The following ADAM19 variants were observed in gnomAD, a reference collection of about 807,000 sequenced individuals.
ADAM19 encodes the protein ADAM metallopeptidase domain 19.
Under a neutral mutation model 114.7 loss-of-function variants are expected in ADAM19, and 65 were observed. That is an observed-to-expected ratio of 0.57 (90% CI 0.46 to 0.70). The LOEUF is 0.70. ADAM19 is among the 30% of genes least tolerant of loss of function. The pLI is 0.00. For synonymous variants in ADAM19, 466 were observed against 460.5 expected (o/e 1.01, Z -0.15); for missense variants, 1,063 against 1,204.7 (o/e 0.88, Z 1.74).
intron 1 of ADAM19, 30 bp downstream of exon 1, chr5:157,575,573 G>A: frequency 2.1e-6 from 3 of 1,440,548 alleles, no homozygotes; most frequent in South Asian, 2.7e-5. Flanking sequence ...GGGCCACCCA[G>A]CCTCCATCCC....
intron 3 of ADAM19, among the ~76,000 whole-genome samples, chr5:157,563,745 C>T (rs926198267): frequency 1.3e-5 from 2 of 152,178 alleles, no homozygotes; most frequent in East Asian, 1.9e-4. Context: ...TGCCCATTCA[C>T]CTCCTCCATT....
chr5:157,567,489 A>G (rs1364964927), intron 2 of ADAM19, among the ~76,000 whole-genome samples: 1 of 152,188 alleles, frequency 6.6e-6, no homozygotes, highest in Non-Finnish European at 1.5e-5. Context: ...CCCCAGCTCC[A>G]AGTGGGCATT....
At chr5:157,517,470 G>T (rs1224893462) in intron 7 of ADAM19, among the ~76,000 whole-genome samples, 1 of 152,186 alleles carries the variant, frequency 6.6e-6, no homozygotes, top group Non-Finnish European at 1.5e-5. Flanking sequence ...GGTAACAGCT[G>T]GCTAATTTAG....
intron 8 of ADAM19, among the ~76,000 whole-genome samples, chr5:157,512,134 C>G (rs1033897285): frequency 6.6e-6 from 1 of 152,174 alleles, no homozygotes. Flanking sequence ...TTGAGTGAGT[C>G]AGGAGCTAGA....
intron 13 of ADAM19, 69 bp from the exon 14 acceptor site, chr5:157,497,158 TCA>T: frequency 7.5e-7 from 1 of 1,328,620 alleles, no homozygotes; most frequent in Non-Finnish European, 9.8e-7. Context: ...GCCCAAGGGC[TCA>T]TAAGGATCAC....
intron 15 of ADAM19, 33 bp downstream of exon 15, chr5:157,494,654 C>T: frequency 6.3e-7 from 1 of 1,588,342 alleles, no homozygotes; most frequent in Non-Finnish European, 8.6e-7. Flanking sequence ...CTTGTTCATC[C>T]TCATTTCATG....
At chr5:157,562,250 T>C (rs1173353638) in intron 3 of ADAM19, among the ~76,000 whole-genome samples, 1 of 152,234 alleles carries the variant, frequency 6.6e-6, no homozygotes, top group Non-Finnish European at 1.5e-5. Context: ...GGACACCTGG[T>C]GAGGTCATAT....
chr5:157,552,300 C>T (rs755824794), intron 3 of ADAM19, among the ~76,000 whole-genome samples: 1 of 152,168 alleles, frequency 6.6e-6, no homozygotes, highest in Non-Finnish European at 1.5e-5. Flanking sequence ...AGTACAACCA[C>T]TATGTCATGC....
intron 5 of ADAM19, among the ~76,000 whole-genome samples, chr5:157,528,186 C>A (rs1756525413): frequency 6.6e-6 from 1 of 152,206 alleles, no homozygotes; most frequent in African/African-American, 2.4e-5. Flanking sequence ...GTCTCCAGCT[C>A]TTAAATCAGT....
Position 157,496,975 on chromosome 5 carries a change from G to A in ADAM19, c.1513C>T (p.Pro505Ser). 1 of 1,598,320 alleles carries A rather than the reference G, an allele frequency of 6.3e-7. No individual in the cohort carries two copies. The highest frequency in any genetic ancestry group is 8.5e-7 in the Non-Finnish European group (1 of 1,173,352). The stretch of plus-strand genomic sequence containing the variant: ...CAGTAGGCCTGGCCGCCCTCACAGG[G>A]GGTACCATCCATCTGGTAGAAGTTG... ...PTNFYQMDGT[P>S]CEGGQAYCYN... is the part of the protein sequence containing the mutation. Residue 505 changes from proline to serine, a missense_variant, in exon 14 of 23, where the codon CCC becomes TCC. Around this residue, in one of 3 missense-constraint regions of ADAM19, gnomAD observed 615 missense variants for 706.3 expected, o/e 0.87. Coordinates refer to ENST00000257527, the MANE Select transcript of ADAM19 (RefSeq NM_033274.5).
At chr5:157,501,002 T>G (rs567752458) in intron 12 of ADAM19, among the ~76,000 whole-genome samples, 1 of 152,302 alleles carries the variant, frequency 6.6e-6, no homozygotes, top group Admixed American at 6.5e-5. Context: ...CAGGTCTGCC[T>G]GAGGCCTACC....
At chr5:157,493,371 G>C (rs1263923331) in intron 15 of ADAM19, among the ~76,000 whole-genome samples, 194 bp from the exon 16 acceptor site, 1 of 152,144 alleles carries the variant, frequency 6.6e-6, no homozygotes, top group East Asian at 1.9e-4. Context: ...AAGAGAACAG[G>C]CTCCTTGACC....
intron 2 of ADAM19, among the ~76,000 whole-genome samples, chr5:157,567,549 A>C (rs1757698108): frequency 2.0e-5 from 3 of 152,130 alleles, no homozygotes; most frequent in African/African-American, 7.2e-5. Flanking sequence ...TGTAATCCCA[A>C]CACTTTGGGA....
Position 157,480,635 on chromosome 5 carries a change from T to A in ADAM19, c.*314A>T. 1 of 1,173,238 alleles carries A rather than the reference T, an allele frequency of 8.5e-7. No homozygotes were observed. Among genetic ancestry groups the A allele is most frequent in the Admixed American group, 4.1e-5 (1 of 24,456 alleles). The allele number at this position is 1,173,238 out of a possible 1,614,324, so 72.7% of individuals were successfully genotyped here. A position where few individuals can be genotyped will look rare whatever the true frequency, so the allele number is the denominator to read the frequency against. On this transcript the variant is annotated 3_prime_UTR_variant, in exon 23 of 23. Transcript: ENST00000257527. ...GAGGGGCTTGCTGGCCTTGAGCATC[T>A]CCATCAGCACCTCGGGGCTAGGAGT...
At chr5:157,481,037 A>G in intron 22 of ADAM19, 35 bp from the exon 23 acceptor site, 1 of 1,613,838 alleles carries the variant, frequency 6.2e-7, no homozygotes, top group Non-Finnish European at 8.5e-7. Flanking sequence ...GAGAGACATC[A>G]GCTTGATGCT....
intron 3 of ADAM19, among the ~76,000 whole-genome samples, chr5:157,562,562 C>T (rs1757536918): frequency 6.6e-6 from 1 of 152,190 alleles, no homozygotes; most frequent in Non-Finnish European, 1.5e-5. Context: ...AACAAGGACA[C>T]CGAAGTTCCA....
chr5:157,519,780 C>A lies in ADAM19; in HGVS notation c.600+59G>T, dbSNP rs1321017170. ...TACTCCTGGATTCAAAGTAAGCAAC[C>A]TCAGAGGGGACAAGCCTGTCCCCAG... On this transcript the variant is annotated intron_variant, in intron 6 of 22. Coordinates refer to ENST00000257527, the MANE Select transcript of ADAM19 (RefSeq NM_033274.5). The A allele has an allele frequency of 6.7e-6, 10 of 1,484,734 alleles. No homozygotes were observed. In the South Asian group the frequency reaches 9.4e-5, roughly 14 times the overall value. The allele number at this position is 1,484,734 out of a possible 1,614,324, so 92.0% of individuals were successfully genotyped here.
chr5:157,520,655 C>T (rs1371661554), intron 5 of ADAM19, among the ~76,000 whole-genome samples: 1 of 152,200 alleles, frequency 6.6e-6, no homozygotes, highest in African/African-American at 2.4e-5. Flanking sequence ...ATCAAGACTA[C>T]TGGATGATTA....
chr5:157,527,444 T>C (rs923262369), intron 5 of ADAM19, among the ~76,000 whole-genome samples: 2 of 151,806 alleles, frequency 1.3e-5, no homozygotes, highest in Admixed American at 1.3e-4. Context: ...TCTCCTGATC[T>C]TGTGATCTGC....
Sources: gnomAD v4.1 joint callset for allele counts (sites outside exome capture counted in the v4.1 genomes callset) on GRCh38, gnomAD v4.1.1 for gene constraint, gnomAD v4.1.1 regional missense constraint, MANE v1.5 for transcripts, NCBI Gene and HGNC (gene_info 2026-07-23, HGNC 2026-07-21) for gene names.